ANKRD31: variants seen among roughly 807,000 people sequenced by gnomAD.
ANKRD31 encodes the protein ankyrin repeat domain 31.
A neutral mutation model predicts 186.0 loss-of-function variants in ANKRD31; 147 were observed. That is an observed-to-expected ratio of 0.79 (90% confidence interval 0.69 to 0.91). The LOEUF (loss-of-function observed/expected upper bound fraction) is 0.91. Among genes scored for constraint, ANKRD31 ranks in the 40% least tolerant of loss-of-function variants. The pLI, the probability that ANKRD31 is intolerant of heterozygous loss-of-function variation, is 0.00. For missense variants in ANKRD31, 1,986 were observed against 2,148.8 expected, an observed-to-expected ratio of 0.92 and a Z score of 1.50; for synonymous variants, 673 against 736.4, an observed-to-expected ratio of 0.91 and a Z score of 1.39.
At chr5:75,225,119 T>C (rs1008493325) in intron 2 of ANKRD31, among the ~76,000 whole-genome samples, 1 of 152,212 alleles carries the variant, frequency 6.6e-6, no homozygotes, top group Non-Finnish European at 1.5e-5. Flanking sequence ...AGGAGACATC[T>C]TTTTTGGGGG....
In ANKRD31 at chr5:75,147,182, T is replaced by C. The variant is rs763470899; in HGVS notation, c.2229A>G (p.Val743=). The part of the protein sequence containing the change: ...TQHKRTQVDD[V]DCNPRKILAV... ...CTAGTATCTTTCTTGGATTACAGTC[T>C]ACATCATCTACTTGGGTCCTTTTAT... Residue 743 remains valine (V), a synonymous_variant, in exon 14 of 26, where the codon GTA becomes GTG. Coordinates refer to ENST00000506364, the MANE Select transcript of ANKRD31 (RefSeq NM_001372053.1). 30 of 1,536,216 alleles carry C rather than the reference T, an allele frequency of 2.0e-5. No individual in the cohort carries two copies. Among genetic ancestry groups the C allele is most frequent in the Non-Finnish European group, 2.6e-5 (30 of 1,146,296 alleles).
rs79081692 is a variant in ANKRD31, at chr5:75,230,617, G to A, written c.123C>T (p.Asp41=). ...LPWRRLLFDQ[D]ASLKSEFSLH... ...GACTGAACTCAGATTTAAGAGATGC[G>A]TCTTGATCAAACAGCAACCTTTCAA... is the stretch of plus-strand genomic sequence containing the variant. The change falls in exon 2 of 26, where the codon GAC becomes GAT. Residue 41 remains aspartate (D), a synonymous_variant. Coordinates refer to ENST00000506364, the MANE Select transcript of ANKRD31 (RefSeq NM_001372053.1). The A allele has an allele frequency of 1.9e-3, 2,980 of 1,536,578 alleles. 73 individuals are homozygous for A. The East Asian group carries it at 0.058, about 30-fold the overall frequency.
chr5:75,071,671 T>A (rs920275020), intron 25 of ANKRD31, among the ~76,000 whole-genome samples: 112 of 152,202 alleles, frequency 7.4e-4, no homozygotes, highest in African/African-American at 2.6e-3. Flanking sequence ...AATTTTTTTG[T>A]AGTTTTAGTG....
At chr5:75,231,111 C>G (rs1427044521) in intron 1 of ANKRD31, among the ~76,000 whole-genome samples, 2 of 152,182 alleles carry the variant, frequency 1.3e-5, no homozygotes, top group Non-Finnish European at 2.9e-5. Flanking sequence ...CAGTCTCTCT[C>G]TGTCACCCAA....
At chr5:75,232,563 GTGT>G (rs971892173) in intron 1 of ANKRD31, among the ~76,000 whole-genome samples, 1 of 105,054 alleles carries the variant, frequency 9.5e-6, no homozygotes, top group Non-Finnish European at 1.7e-5. Flanking sequence ...CAAATTTTGT[GTGT>G]TTTTTTTTTT....
chr5:75,183,349 T>C (rs761172233), intron 10 of ANKRD31, among the ~76,000 whole-genome samples: 4 of 152,018 alleles, frequency 2.6e-5, no homozygotes, highest in African/African-American at 7.2e-5. Flanking sequence ...TCCTTTAAGA[T>C]CTGGAAAAAG....
At position 75,146,350 on chromosome 5, in the gene ANKRD31, C is replaced by T. The variant is rs1321137092; in HGVS notation, c.3061G>A (p.Ala1021Thr). Residue 1021 changes from alanine (A) to threonine (T), a missense_variant, in exon 14 of 26, where the codon GCT becomes ACT. Ala to Thr is a moderately conservative substitution (Grantham distance 58). Coordinates refer to ENST00000506364, the MANE Select transcript of ANKRD31 (RefSeq NM_001372053.1). ...TCCACATGATTAGTCAACTTTGAAG[C>T]CTCATGTGTCAAAAGTGTTCTCATA... ...ACMRTLLTHEASKLTNHVELF... is the reference protein window; with the variant it reads ...ACMRTLLTHETSKLTNHVELF... 1.3e-6 allele frequency: 2 copies of T among 1,536,446 alleles called. No individual in the cohort carries two copies. Among genetic ancestry groups the T allele is most frequent in the East Asian group, 2.4e-5 (1 of 40,882 alleles).
At chr5:75,188,111 T>C (rs1754861638) in intron 10 of ANKRD31, among the ~76,000 whole-genome samples, 4 of 152,122 alleles carry the variant, frequency 2.6e-5, no homozygotes, top group Admixed American at 2.6e-4. Flanking sequence ...TACCATTTCA[T>C]CATAAATTTT....
intron 20 of ANKRD31, among the ~76,000 whole-genome samples, chr5:75,110,030 C>T (rs1374292569): frequency 6.6e-6 from 1 of 152,100 alleles, no homozygotes; most frequent in African/African-American, 2.4e-5. Flanking sequence ...AGTTACCATC[C>T]AAGAGCTCCA....
intron 10 of ANKRD31, among the ~76,000 whole-genome samples, chr5:75,174,453 C>G (rs1301620938): frequency 6.6e-6 from 1 of 152,148 alleles, no homozygotes; most frequent in East Asian, 1.9e-4. Flanking sequence ...AGGCAACCTA[C>G]AGAATGGGAG....
chr5:75,193,236 T>G (rs1052661859), intron 8 of ANKRD31, 75 bp downstream of exon 8: 2 of 1,430,672 alleles, frequency 1.4e-6, no homozygotes, highest in African/African-American at 2.9e-5. Context: ...ATACTGACCC[T>G]GATGTCCCCA....
chr5:75,125,516 T>C lies in ANKRD31; in HGVS notation c.3877-7219A>G, dbSNP rs537785194. On this transcript the variant is annotated intron_variant, in intron 17 of 25. Transcript: ENST00000506364. ...CTGCAGAAATTTATTTCAAACATTATATGGAGGAGACAGAAAGTGAATTTC... is the reference window on the plus strand; with the variant it reads ...CTGCAGAAATTTATTTCAAACATTACATGGAGGAGACAGAAAGTGAATTTC... Among the ~76,000 whole-genome samples the C allele has an allele frequency of 5.9e-5, 9 of 152,242 alleles. No individual in the cohort carries two copies. In the South Asian group the frequency reaches 1.7e-3, roughly 28 times the overall value.
intron 25 of ANKRD31, 61 bp downstream of exon 25, chr5:75,080,507 A>G (rs1744999272): frequency 2.6e-6 from 3 of 1,159,078 alleles, no homozygotes; most frequent in Non-Finnish European, 2.4e-6. Flanking sequence ...TATTTGCACA[A>G]TATGTAGAAT....
chr5:75,105,092 A>T lies in ANKRD31; in HGVS notation c.4467T>A (p.Cys1489Ter). The T allele has an allele frequency of 6.5e-7, 1 of 1,537,114 alleles. No individual in the cohort carries two copies. Among genetic ancestry groups the T allele is most frequent in the Non-Finnish European group, 8.7e-7 (1 of 1,146,854 alleles). The change falls in exon 22 of 26, where the codon TGT becomes TGA. Residue 1489 changes from cysteine (C) to a stop codon, truncating the protein, a stop_gained. Coordinates refer to ENST00000506364, the MANE Select transcript of ANKRD31 (RefSeq NM_001372053.1). LOFTEE classifies it high-confidence loss of function. ...GACAAGGCAATGATGTAACATTCCTACAGTTTTGAATTTTCAGGCTTATTT... is the reference window on the plus strand; with the variant it reads ...GACAAGGCAATGATGTAACATTCCTTCAGTTTTGAATTTTCAGGCTTATTT... ...QKKISLKIQN[C>*]RNVTSLPCLS... is the part of the protein sequence containing the mutation.
Position 75,210,843 on chromosome 5 carries a change from T to C in ANKRD31, c.311A>G (p.Asn104Ser). ...GTATACTTACTGTAACAGAGCTTGATTTCGTTCTGTTTCATCTTGAGACTG... is the reference window on the plus strand; with the variant it reads ...GTATACTTACTGTAACAGAGCTTGACTTCGTTCTGTTTCATCTTGAGACTG... ...ILQSQDETER[N>S]QALLQTRKNC... The change falls in exon 4 of 26, where the codon AAT (asparagine) becomes AGT (serine). Residue 104 changes from asparagine (N) to serine (S), a missense_variant. Coordinates refer to ENST00000506364, the MANE Select transcript of ANKRD31 (RefSeq NM_001372053.1). The C allele has an allele frequency of 6.6e-7, 1 of 1,514,606 alleles. No homozygotes were observed. Among genetic ancestry groups the C allele is most frequent in the South Asian group, 1.3e-5 (1 of 78,062 alleles). The allele number at this position is 1,514,606 out of a possible 1,614,324, so 93.8% of individuals were successfully genotyped here.
rs533916008 is a variant in ANKRD31, at chr5:75,230,622, G to A, written c.118C>T (p.Gln40Ter). 1 of 1,535,772 alleles carries A rather than the reference G, an allele frequency of 6.5e-7. No homozygotes were observed. The highest frequency in any genetic ancestry group is 8.7e-7 in the Non-Finnish European group (1 of 1,146,582). Residue 40 changes from glutamine (Q) to a stop codon, truncating the protein, a stop_gained, in exon 2 of 26, where the codon CAA becomes TAA. Coordinates refer to ENST00000506364, the MANE Select transcript of ANKRD31 (RefSeq NM_001372053.1). LOFTEE classifies it high-confidence loss of function. ...AACTCAGATTTAAGAGATGCGTCTT[G>A]ATCAAACAGCAACCTTTCAAATACC... ...ELPWRRLLFD[Q>*]DASLKSEFSL...
intron 1 of ANKRD31, among the ~76,000 whole-genome samples, chr5:75,233,225 G>C (rs948796724): frequency 6.6e-6 from 1 of 151,858 alleles, no homozygotes; most frequent in East Asian, 1.9e-4. Flanking sequence ...ACCATGCCCG[G>C]TTAATTTTTG....
Position 75,107,516 on chromosome 5 carries a change from C to G in ANKRD31, c.4340+5G>C. ...AGCACTCTTTTTTTTTCTTTTTCTACTCACCTGTATTTTTTAGCCAGATCA... is the reference window on the plus strand; with the variant it reads ...AGCACTCTTTTTTTTTCTTTTTCTAGTCACCTGTATTTTTTAGCCAGATCA... On this transcript the variant is annotated splice_donor_5th_base_variant and intron_variant, in intron 21 of 25. Transcript: ENST00000506364. 1 of 1,495,822 alleles carries G rather than the reference C, an allele frequency of 6.7e-7. No homozygotes were observed. The highest frequency in any genetic ancestry group is 2.5e-5 in the East Asian group (1 of 40,538). The allele number at this position is 1,495,822 out of a possible 1,614,324, so 92.7% of individuals were successfully genotyped here. A position where few individuals can be genotyped will look rare whatever the true frequency, so the allele number is the denominator to read the frequency against.
rs564495938 is a variant in ANKRD31, at chr5:75,087,563, C to T, written c.5473-3189G>A. ...CTGTTCATGGATGATCAAATAACTA[C>T]TTTTATTCCATTGCAAGTTTTAAGA... is the stretch of plus-strand genomic sequence containing the variant. On this transcript the variant is annotated intron_variant, in intron 23 of 25. Transcript: ENST00000506364. Among the ~76,000 whole-genome samples the T allele has an allele frequency of 1.4e-4, 22 of 151,882 alleles. 1 individual carries two copies. Among genetic ancestry groups the T allele is most frequent in the African/African-American group, 4.6e-4 (19 of 41,448 alleles).
Sources: gnomAD v4.1 joint callset for allele counts (sites outside exome capture counted in the v4.1 genomes callset) on GRCh38, gnomAD v4.1.1 for gene constraint, MANE v1.5 for transcripts, NCBI Gene and HGNC (gene_info 2026-07-23, HGNC 2026-07-21) for gene names.